Variants in BRSK1 observed in about 807,000 individuals in gnomAD.
BRSK1 encodes serine/threonine-protein kinase BRSK1.
In BRSK1, 17 loss-of-function variants were observed where a neutral mutation model predicts 86.2. The ratio of observed to expected loss-of-function variants is 0.20; its 90% confidence interval spans 0.14 to 0.30. BRSK1 has a LOEUF of 0.30. Among genes scored for constraint, BRSK1 ranks in the 10% least tolerant of loss-of-function variants. The pLI is 1.00. For missense variants in BRSK1, 719 were observed against 1,071.9 expected (o/e 0.67, Z 4.60); for synonymous variants, 464 against 440.1 (o/e 1.05, Z -0.68).
At position 55,302,137 on chromosome 19, in the gene BRSK1, C is replaced by G. The variant is rs1228970941; in HGVS notation, c.826C>G (p.Leu276Val). ...IEVEPEKRLS[L>V]EQIQKHPWYL... Reference sequence around the variant, plus strand: ...TCTCTACGACTCACCACCCTCACAGCTGGAGCAAATTCAGAAACATCCTTG... The same window carrying G: ...TCTCTACGACTCACCACCCTCACAGGTGGAGCAAATTCAGAAACATCCTTG... Residue 276 changes from leucine to valine, a missense_variant and splice_region_variant, in exon 9 of 19, where the codon CTG (leucine) becomes GTG (valine). Physicochemically the swap from Leu to Val is conservative, Grantham distance 32. Transcript: ENST00000309383. This position sits in a 1 kb window ranked among gnomAD's most constrained non-coding sequence, Gnocchi z 6.3. 1 of 1,614,176 alleles carries G rather than the reference C, an allele frequency of 6.2e-7. No individual in the cohort carries two copies. Among genetic ancestry groups the G allele is most frequent in the Admixed American group, 1.7e-5 (1 of 60,014 alleles).
chr19:55,306,843 C>T lies in BRSK1; in HGVS notation c.2089+393C>T, dbSNP rs60578937. 0.019 allele frequency among the ~76,000 whole-genome samples: 2,954 copies of T among 152,202 alleles called. 99 individuals are homozygous for T. The highest frequency in any genetic ancestry group is 0.068 in the African/African-American group (2,827 of 41,500). On this transcript the variant is annotated intron_variant, in intron 17 of 18. Transcript: ENST00000309383. This position sits in a 1 kb window ranked among gnomAD's most constrained non-coding sequence, Gnocchi z 4.7. Reference sequence around the variant, plus strand: ...GGCCTCCCAACTTCAGAGGAGAGAGCCCAGCTCTTCCTATTACTTTAAGAT... The same window carrying T: ...GGCCTCCCAACTTCAGAGGAGAGAGTCCAGCTCTTCCTATTACTTTAAGAT...
At position 55,294,180 on chromosome 19, in the gene BRSK1, C is replaced by T; in HGVS notation, c.576-34C>T. On this transcript the variant is annotated intron_variant, in intron 5 of 18. Transcript: ENST00000309383. This position sits in a 1 kb window ranked among gnomAD's most constrained non-coding sequence, Gnocchi z 4.9. ...GAGACCCTGGGCAGGGGTTTAGAAG[C>T]TGGCTGGAGGCTCACATCAGCTCTC... 1.2e-6 allele frequency: 2 copies of T among 1,611,520 alleles called. No individual in the cohort carries two copies. The highest frequency in any genetic ancestry group is 1.7e-6 in the Non-Finnish European group (2 of 1,178,126).
chr19:55,306,458 T>G lies in BRSK1; in HGVS notation c.2089+8T>G. 1 of 1,611,366 alleles carries G rather than the reference T, an allele frequency of 6.2e-7. No individual in the cohort carries two copies. The highest frequency in any genetic ancestry group is 8.5e-7 in the Non-Finnish European group (1 of 1,179,882). ...CCTTCACTCTCATCTCGGGTGAGTC[T>G]CTTGGCTAGGCTGCCTGCAGCCCAG... On this transcript the variant is annotated splice_region_variant and intron_variant, in intron 17 of 18. Transcript: ENST00000309383. The surrounding 1 kb of genome is among the most constrained non-coding windows in gnomAD (Gnocchi z 4.7).
chr19:55,300,336 C>G (rs1047742250), intron 7 of BRSK1, among the ~76,000 whole-genome samples: 3 of 152,110 alleles, frequency 2.0e-5, no homozygotes, highest in Non-Finnish European at 4.4e-5. Flanking sequence ...GGTGCTGTGA[C>G]GACCCATTGC....
chr19:55,311,118 C>T (rs2123013305), intron 18 of BRSK1, among the ~76,000 whole-genome samples: 1 of 152,208 alleles, frequency 6.6e-6, no homozygotes, highest in East Asian at 1.9e-4. Context: ...CGTGCCACCA[C>T]ACCCGGCTAA....
chr19:55,300,227 TG>T (rs1375956678), intron 7 of BRSK1, among the ~76,000 whole-genome samples: 3 of 152,168 alleles, frequency 2.0e-5, no homozygotes, highest in Admixed American at 6.6e-5. Context: ...GTGGGGTCTA[TG>T]GTCAGTGCGT....
chr19:55,301,977 A>C, intron 8 of BRSK1, 160 bp from the exon 9 acceptor site: 2 of 934,174 alleles, frequency 2.1e-6, no homozygotes, highest in Non-Finnish European at 1.7e-6. Flanking sequence ...GGGGCGATGC[A>C]CTCAGTCGCC....
At chr19:55,296,205 G>A (rs944600189) in intron 7 of BRSK1, among the ~76,000 whole-genome samples, 7 of 151,884 alleles carry the variant, frequency 4.6e-5, no homozygotes, top group African/African-American at 1.2e-4. Context: ...TCCTGGCAAC[G>A]ATCAGAGTTG....
At chr19:55,286,442 G>A (rs1182023664) in intron 1 of BRSK1, among the ~76,000 whole-genome samples, 1 of 151,682 alleles carries the variant, frequency 6.6e-6, no homozygotes, top group Non-Finnish European at 1.5e-5. Context: ...GACCCAGGAA[G>A]GCAGTTGAGG....
rs760959221 is a variant in BRSK1 at position 55,302,859 on chromosome 19, C to A, written c.1020C>A (p.Arg340=). Residue 340 remains arginine (R), a synonymous_variant, in exon 10 of 19, where the codon CGC becomes CGA. Coordinates refer to ENST00000309383, the MANE Select transcript of BRSK1 (RefSeq NM_032430.2). This position sits in a 1 kb window ranked among gnomAD's most constrained non-coding sequence, Gnocchi z 6.3. The part of the protein sequence containing the change: ...RDRERLHREL[R]SEEENQEKMI... ...GCGAGAGGCTGCATCGCGAGCTGCG[C>A]AGTGAGGAGTAAGACCCCAAGACCC... The A allele has an allele frequency of 6.2e-7, 1 of 1,612,780 alleles. No homozygotes were observed. The highest frequency in any genetic ancestry group is 1.7e-5 in the Admixed American group (1 of 59,968).
chr19:55,286,148 G>A (rs1366660008), intron 1 of BRSK1, among the ~76,000 whole-genome samples: 2 of 143,656 alleles, frequency 1.4e-5, no homozygotes, highest in Non-Finnish European at 3.1e-5. Flanking sequence ...AGGGAGGAAG[G>A]GGCTGGGGGG....
chr19:55,307,780 ACACAC>A (rs2088679900), intron 17 of BRSK1, among the ~76,000 whole-genome samples: 1 of 120,682 alleles, frequency 8.3e-6, no homozygotes, highest in African/African-American at 3.1e-5. Flanking sequence ...ACACACACAC[ACACAC>A]ACAATTTAAA....
At position 55,304,087 on chromosome 19, in the gene BRSK1, T is replaced by G; in HGVS notation, c.1324T>G (p.Ser442Ala). Residue 442 changes from serine (S) to alanine (A), a missense_variant, in exon 13 of 19, where the codon TCC becomes GCC. This residue lies in a region of BRSK1 where 168 missense variants were observed against 246.3 expected (regional missense o/e 0.68). Transcript: ENST00000309383. The surrounding 1 kb of genome is among the most constrained non-coding windows in gnomAD (Gnocchi z 5.2). ...SVSGASTGLS[S>A]SPLSSPRSPV... ...CAGTGGAGCCTCCACGGGTCTGTCC[T>G]CCAGCCCTCTAAGCAGCCCAAGGGT... is the stretch of plus-strand genomic sequence containing the variant. 1 of 1,612,816 alleles carries G rather than the reference T, an allele frequency of 6.2e-7. No individual in the cohort carries two copies. Among genetic ancestry groups the G allele is most frequent in the Non-Finnish European group, 8.5e-7 (1 of 1,179,816 alleles).
At chr19:55,297,737 C>T (rs1385802819) in intron 7 of BRSK1, among the ~76,000 whole-genome samples, 1 of 152,210 alleles carries the variant, frequency 6.6e-6, no homozygotes, top group Non-Finnish European at 1.5e-5. Context: ...CACCCTACCT[C>T]AGTGTCCTCA....
intron 4 of BRSK1, among the ~76,000 whole-genome samples, chr19:55,290,785 G>T (rs2088393164): frequency 6.6e-6 from 1 of 152,104 alleles, no homozygotes; most frequent in African/African-American, 2.4e-5. Context: ...GGGACTACAG[G>T]CGCCCGCCAC....
At chr19:55,299,499 C>A (rs1357839535) in intron 7 of BRSK1, among the ~76,000 whole-genome samples, 1 of 151,824 alleles carries the variant, frequency 6.6e-6, no homozygotes, top group Non-Finnish European at 1.5e-5. Flanking sequence ...AATTCTCCTG[C>A]CTCAGCCACC....
chr19:55,312,072 C>T lies in BRSK1; in HGVS notation c.*4C>T. 1 of 1,416,338 alleles carries T rather than the reference C, an allele frequency of 7.1e-7. No homozygotes were observed. The highest frequency in any genetic ancestry group is 2.9e-5 in the East Asian group (1 of 35,074). 87.7% of individuals were successfully genotyped at this position (1,416,338 alleles called of 1,614,324 possible). A position where few individuals can be genotyped will look rare whatever the true frequency, so the allele number is the denominator to read the frequency against. Reference sequence around the variant, plus strand: ...CAACGGGACCCCTCTGCCCTGACCCCACGGGGCCGGGGAGGGAGGGGACCC... The same window carrying T: ...CAACGGGACCCCTCTGCCCTGACCCTACGGGGCCGGGGAGGGAGGGGACCC... On this transcript the variant is annotated 3_prime_UTR_variant, in exon 19 of 19. Coordinates refer to ENST00000309383, the MANE Select transcript of BRSK1 (RefSeq NM_032430.2).
Position 55,303,581 on chromosome 19 carries a change from G to A in BRSK1, c.1127-86G>A. The A allele has an allele frequency of 6.5e-7, 1 of 1,532,804 alleles. No homozygotes were observed. The highest frequency in any genetic ancestry group is 8.9e-7 in the Non-Finnish European group (1 of 1,129,562). The allele number at this position is 1,532,804 out of a possible 1,614,324, so 95.0% of individuals were successfully genotyped here. A position where few individuals can be genotyped will look rare whatever the true frequency, so the allele number is the denominator to read the frequency against. ...CAAATCCCCTCTCCACTCTAGGCCT[G>A]TTTCCCCATGTGTGCAGTTTCTGAG... On this transcript the variant is annotated intron_variant, in intron 11 of 18. Coordinates refer to ENST00000309383, the MANE Select transcript of BRSK1 (RefSeq NM_032430.2). The surrounding 1 kb of genome is among the most constrained non-coding windows in gnomAD (Gnocchi z 5.1).
chr19:55,298,299 G>T (rs144609434), intron 7 of BRSK1, among the ~76,000 whole-genome samples: 2 of 128,816 alleles, frequency 1.6e-5, no homozygotes, highest in African/African-American at 5.9e-5. Context: ...TCTTCTTCGC[G>T]GCAACCTCCA....
Sources: allele counts gnomAD v4.1 joint callset (sites outside exome capture counted in the v4.1 genomes callset), GRCh38; gene constraint gnomAD v4.1.1; regional missense constraint gnomAD v4.1.1; non-coding constraint Gnocchi (gnomAD v3.1); transcripts MANE v1.5; gene names NCBI Gene and HGNC (gene_info 2026-07-23, HGNC 2026-07-21).